Variants in GDPD5 observed in about 807,000 individuals in gnomAD.
GDPD5 encodes glycerophosphodiester phosphodiesterase 2.
Under a neutral mutation model 75.1 loss-of-function variants are expected in GDPD5, and 48 were observed. The ratio of observed to expected loss-of-function variants is 0.64; its 90% CI spans 0.51 to 0.81. GDPD5 has a LOEUF of 0.81. GDPD5 is among the 40% of genes least tolerant of loss of function. GDPD5 has a pLI of 0.00. For synonymous variants in GDPD5, 336 were observed against 339.0 expected (o/e 0.99, Z 0.10); for missense variants, 706 against 822.6 (o/e 0.86, Z 1.73).
chr11:75,478,204 C>T (rs1350696363), intron 2 of GDPD5, among the ~76,000 whole-genome samples: 1 of 152,216 alleles, frequency 6.6e-6, no homozygotes, highest in African/African-American at 2.4e-5. Flanking sequence ...GGCTGGAGTG[C>T]TGTGGCACAA....
Position 75,439,901 on chromosome 11 carries a change from C to A in GDPD5, c.1534G>T (p.Val512Leu), listed in dbSNP as rs775977351. Residue 512 changes from valine (V) to leucine (L), a missense_variant, in exon 15 of 17, where the codon GTG becomes TTG. Coordinates refer to ENST00000336898, the MANE Select transcript of GDPD5 (RefSeq NM_030792.8). The part of the protein sequence containing the change: ...TADLVSFTLI[V>L]GIFVLQKWRL... ...CACTTCTGGAGCACGAAGATGCCCA[C>A]GATGAGGGTGAAGGAGACCAGGTCG... 6.2e-7 allele frequency: 1 copy of A among 1,613,774 alleles called. No individual in the cohort carries two copies. Among genetic ancestry groups the A allele is most frequent in the African/African-American group, 1.3e-5 (1 of 74,914 alleles).
Position 75,484,598 on chromosome 11 carries a change from T to C in GDPD5, c.-61+5639A>G, listed in dbSNP as rs189407382. ...CTTAATAAATGTGTTCCAGAACTGA[T>C]TGAGGTCAAGTGCCATGGCTCATGC... On this transcript the variant is annotated intron_variant, in intron 2 of 16. Coordinates refer to ENST00000336898, the MANE Select transcript of GDPD5 (RefSeq NM_030792.8). Among the ~76,000 whole-genome samples, 13 of 152,240 alleles carry C rather than the reference T, an allele frequency of 8.5e-5. No individual in the cohort carries two copies. The East Asian group carries it at 1.9e-3, about 23-fold the overall frequency.
chr11:75,498,091 C>G (rs1366429958), intron 1 of GDPD5, among the ~76,000 whole-genome samples: 1 of 145,542 alleles, frequency 6.9e-6, no homozygotes, highest in Non-Finnish European at 1.5e-5. Flanking sequence ...TTGTGGGGGG[C>G]TGGTGGAGGG....
At chr11:75,484,016 G>T (rs532231768) in intron 2 of GDPD5, among the ~76,000 whole-genome samples, 7 of 152,060 alleles carry the variant, frequency 4.6e-5, no homozygotes, top group Non-Finnish European at 1.0e-4. Context: ...GTGAAACCCC[G>T]TCCCTACTAA....
intron 1 of GDPD5, among the ~76,000 whole-genome samples, chr11:75,494,596 T>C (rs549455952): frequency 5.3e-5 from 8 of 152,338 alleles, no homozygotes; most frequent in African/African-American, 1.9e-4. Flanking sequence ...TTTCATCACT[T>C]GTGTTCTGTT....
chr11:75,447,428 A>G lies in GDPD5; in HGVS notation c.714+1549T>C, dbSNP rs188513395. 2.5e-3 allele frequency among the ~76,000 whole-genome samples: 377 copies of G among 152,292 alleles called. 1 individual carries two copies. Among genetic ancestry groups the G allele is most frequent in the Non-Finnish European group, 2.9e-3 (199 of 68,038 alleles). On this transcript the variant is annotated intron_variant, in intron 9 of 16. Transcript: ENST00000336898. ...TGAAGTCCTCATGTGTTACAGATACATCCTGAAGTGCCTATGGGTAAGACG... is the reference window on the plus strand; with the variant it reads ...TGAAGTCCTCATGTGTTACAGATACGTCCTGAAGTGCCTATGGGTAAGACG...
chr11:75,525,163 C>T (rs1941621152), intron 1 of GDPD5, 47 bp downstream of exon 1: 1 of 152,496 alleles, frequency 6.6e-6, no homozygotes, highest in Non-Finnish European at 1.5e-5. Context: ...CCCGCGCTGC[C>T]GCGATGGGGT....
Position 75,515,491 on chromosome 11 carries a change from C to T in GDPD5, c.-145+9719G>A, listed in dbSNP as rs540893608. Reference sequence around the variant, plus strand: ...CTGCACGGCCTGTCCCAGGCCTGCCCAGCCCCACGCTCCTCTTACCTGACA... The same window carrying T: ...CTGCACGGCCTGTCCCAGGCCTGCCTAGCCCCACGCTCCTCTTACCTGACA... On this transcript the variant is annotated intron_variant, in intron 1 of 16. Coordinates refer to ENST00000336898, the MANE Select transcript of GDPD5 (RefSeq NM_030792.8). 2.0e-5 allele frequency among the ~76,000 whole-genome samples: 3 copies of T among 152,192 alleles called. No individual in the cohort carries two copies. In the East Asian group the frequency reaches 5.8e-4, roughly 30 times the overall value.
chr11:75,525,787 A>C lies in GDPD5; in HGVS notation c.-722T>G, dbSNP rs1211277971. 1 of 150,740 alleles carries C rather than the reference A, an allele frequency of 6.6e-6. No individual in the cohort carries two copies. The highest frequency in any genetic ancestry group is 1.5e-5 in the Non-Finnish European group (1 of 67,540). The allele number at this position is 150,740 out of a possible 1,614,324, so 9.3% of individuals were successfully genotyped here. A position where few individuals can be genotyped will look rare whatever the true frequency, so the allele number is the denominator to read the frequency against. ...CGGCTCTCTCTGCAAAACGGGGCGA[A>C]CCTCGGCGCGGCGGCCGACTCCCGA... On this transcript the variant is annotated 5_prime_UTR_variant, in exon 1 of 17. Transcript: ENST00000336898.
In GDPD5 at chr11:75,518,480, C is replaced by T. The variant is rs554613788; in HGVS notation, c.-145+6730G>A. 7.2e-5 allele frequency among the ~76,000 whole-genome samples: 11 copies of T among 152,312 alleles called. No homozygotes were observed. In the East Asian group the frequency reaches 1.2e-3, roughly 16 times the overall value. Reference sequence around the variant, plus strand: ...AGGGGAGCTTCATCAACTACTGATGCCTGGGTCATGCCCCAGAGATTGTGG... The same window carrying T: ...AGGGGAGCTTCATCAACTACTGATGTCTGGGTCATGCCCCAGAGATTGTGG... On this transcript the variant is annotated intron_variant, in intron 1 of 16. Coordinates refer to ENST00000336898, the MANE Select transcript of GDPD5 (RefSeq NM_030792.8).
chr11:75,475,374 C>G (rs1949756825), intron 3 of GDPD5, among the ~76,000 whole-genome samples: 1 of 152,160 alleles, frequency 6.6e-6, no homozygotes, highest in Non-Finnish European at 1.5e-5. Context: ...TCAGGCAGCT[C>G]TCCTCTCCCT....
intron 2 of GDPD5, among the ~76,000 whole-genome samples, chr11:75,486,390 G>A (rs933910710): frequency 4.6e-5 from 7 of 152,214 alleles, no homozygotes; most frequent in Non-Finnish European, 1.0e-4. Context: ...CCAGGGCAGA[G>A]CTCTGGCCCT....
At chr11:75,478,277 G>A (rs1026666051) in intron 2 of GDPD5, among the ~76,000 whole-genome samples, 2 of 152,172 alleles carry the variant, frequency 1.3e-5, no homozygotes, top group Non-Finnish European at 2.9e-5. Flanking sequence ...AGCCTCCCAA[G>A]TAGCTGGGAT....
intron 1 of GDPD5, among the ~76,000 whole-genome samples, chr11:75,518,524 A>G (rs1175585422): frequency 6.6e-6 from 1 of 152,138 alleles, no homozygotes; most frequent in African/African-American, 2.4e-5. Flanking sequence ...GGACTTTTAA[A>G]AGTTTCCCAG....
At position 75,462,796 on chromosome 11, in the gene GDPD5, C is replaced by A. The variant is rs1386022159; in HGVS notation, c.211G>T (p.Glu71Ter). The A allele has an allele frequency of 1.2e-6, 2 of 1,611,852 alleles. No individual in the cohort carries two copies. Among genetic ancestry groups the A allele is most frequent in the South Asian group, 1.1e-5 (1 of 91,008 alleles). The change falls in exon 4 of 17, where the codon GAA (glutamate) becomes TAA (stop). Residue 71 changes from glutamate (E) to a stop codon, truncating the protein, a stop_gained. Coordinates refer to ENST00000336898, the MANE Select transcript of GDPD5 (RefSeq NM_030792.8). LOFTEE classifies it high-confidence loss of function. ...FWWEVHNDYD[E>*]FNWYLYNRMG... Reference sequence around the variant, plus strand: ...ACTGCCCCTACTCACCAGTTGAATTCATCATAGTCATTGTGGACTTCCCAC... The same window carrying A: ...ACTGCCCCTACTCACCAGTTGAATTAATCATAGTCATTGTGGACTTCCCAC...
intron 3 of GDPD5, among the ~76,000 whole-genome samples, chr11:75,468,687 C>CCG (rs1555006462): frequency 2.0e-5 from 3 of 152,132 alleles, no homozygotes; most frequent in East Asian, 1.9e-4. Flanking sequence ...ACGCCCCCCC[C>CCG]CCGGGAGGTG....
chr11:75,522,652 G>T (rs929213996), intron 1 of GDPD5, among the ~76,000 whole-genome samples: 9 of 152,130 alleles, frequency 5.9e-5, no homozygotes, highest in African/African-American at 2.2e-4. Flanking sequence ...CTTTCTCCCT[G>T]TCCTATCCTG....
chr11:75,441,546 GTGT>G, intron 13 of GDPD5, 97 bp downstream of exon 13: 2 of 388,584 alleles, frequency 5.1e-6, no homozygotes, highest in Non-Finnish European at 7.3e-6. Flanking sequence ...GCCCGACCGT[GTGT>G]GTGTGTGTGT....
At chr11:75,453,576 C>T (rs1023306399) in intron 6 of GDPD5, among the ~76,000 whole-genome samples, 7 of 150,950 alleles carry the variant, frequency 4.6e-5, no homozygotes, top group African/African-American at 1.7e-4. Flanking sequence ...CAAGATCGTG[C>T]CACTGCACTC....
Sources: allele counts gnomAD v4.1 joint callset (sites outside exome capture counted in the v4.1 genomes callset), GRCh38; gene constraint gnomAD v4.1.1; transcripts MANE v1.5; gene names NCBI Gene and HGNC (gene_info 2026-07-23, HGNC 2026-07-21).